The following SH3RF3 variants were observed in gnomAD, a reference collection of about 807,000 sequenced individuals.
SH3RF3 encodes E3 ubiquitin-protein ligase SH3RF3.
A neutral mutation model predicts 66.3 loss-of-function variants in SH3RF3; 29 were observed. The ratio of observed to expected loss-of-function variants is 0.44; its 90% CI spans 0.33 to 0.60. SH3RF3 has a LOEUF of 0.60. Ranked by LOEUF, SH3RF3 falls within the 20% of genes least tolerant of loss-of-function variation. SH3RF3 has a pLI of 0.04. For missense variants in SH3RF3, 1,194 were observed against 1,190.9 expected, an observed-to-expected ratio of 1.00 and a Z score of -0.04; for synonymous variants, 583 against 532.0, an observed-to-expected ratio of 1.10 and a Z score of -1.32.
intron 1 of SH3RF3, among the ~76,000 whole-genome samples, chr2:109,324,965 A>G (rs557286746): frequency 5.9e-5 from 9 of 152,308 alleles, no homozygotes; most frequent in African/African-American, 1.2e-4. Flanking sequence ...GACAAATACA[A>G]TCACACAGTT....
At chr2:109,199,203 C>A (rs566818098) in intron 1 of SH3RF3, among the ~76,000 whole-genome samples, 1 of 151,844 alleles carries the variant, frequency 6.6e-6, no homozygotes, top group African/African-American at 2.4e-5. Context: ...ACGAAAAATA[C>A]AAAAAATTAG....
chr2:109,322,675 A>T (rs1046602978), intron 1 of SH3RF3, among the ~76,000 whole-genome samples: 1 of 152,240 alleles, frequency 6.6e-6, no homozygotes, highest in East Asian at 1.9e-4. Context: ...AGGACTCATT[A>T]GCTGAGCACA....
intron 3 of SH3RF3, among the ~76,000 whole-genome samples, chr2:109,377,729 G>A (rs941190156): frequency 5.3e-5 from 8 of 152,192 alleles, no homozygotes; most frequent in Admixed American, 2.0e-4. Context: ...AATGATGATA[G>A]CGTGCCTCAT....
At chr2:109,150,602 G>A (rs533678408) in intron 1 of SH3RF3, among the ~76,000 whole-genome samples, 2 of 152,260 alleles carry the variant, frequency 1.3e-5, no homozygotes, top group Admixed American at 6.5e-5. Flanking sequence ...GCCCAGAGAA[G>A]TTGAGTAGCT....
chr2:109,342,509 T>G (rs1288022606), intron 1 of SH3RF3, among the ~76,000 whole-genome samples: 2 of 152,168 alleles, frequency 1.3e-5, no homozygotes, highest in African/African-American at 4.8e-5. Flanking sequence ...TGACAAGTGC[T>G]CTCCTTGAAA....
intron 1 of SH3RF3, among the ~76,000 whole-genome samples, chr2:109,133,666 C>T (rs1676748080): frequency 6.6e-6 from 1 of 151,584 alleles, no homozygotes; most frequent in Non-Finnish European, 1.5e-5. Context: ...CTGATTTGAC[C>T]ATTTTGTTAG....
At chr2:109,172,850 C>T (rs549818049) in intron 1 of SH3RF3, among the ~76,000 whole-genome samples, 32 of 152,358 alleles carry the variant, frequency 2.1e-4, no homozygotes, top group Non-Finnish European at 4.3e-4. Flanking sequence ...TGTAGAAGAG[C>T]ACTGCCTTAG....
intron 1 of SH3RF3, among the ~76,000 whole-genome samples, chr2:109,183,867 C>G (rs17035082): frequency 1.8e-4 from 28 of 152,174 alleles, no homozygotes; most frequent in Admixed American, 1.7e-3. Context: ...GCCATTCTCT[C>G]TAGGGCATTG....
At chr2:109,253,913 T>C (rs769748768) in intron 1 of SH3RF3, among the ~76,000 whole-genome samples, 5 of 152,134 alleles carry the variant, frequency 3.3e-5, no homozygotes, top group Non-Finnish European at 7.4e-5. Flanking sequence ...TCTAAAAGCA[T>C]GGAAGTCTTT....
intron 1 of SH3RF3, among the ~76,000 whole-genome samples, chr2:109,133,517 AAC>A (rs1214193962): frequency 6.6e-6 from 1 of 152,168 alleles, no homozygotes; most frequent in African/African-American, 2.4e-5. Flanking sequence ...TTTTTAGCTG[AAC>A]ACAGTCACCT....
At chr2:109,238,805 C>T (rs886421476) in intron 1 of SH3RF3, among the ~76,000 whole-genome samples, 5 of 152,096 alleles carry the variant, frequency 3.3e-5, no homozygotes, top group Admixed American at 6.5e-5. Flanking sequence ...TGATGAAACC[C>T]GGCGAGGTGT....
rs542811183 is a variant in SH3RF3, at chr2:109,315,592, T to C, written c.574-32082T>C. Among the ~76,000 whole-genome samples the C allele has an allele frequency of 7.0e-4, 107 of 152,368 alleles. 1 individual carries two copies. Among genetic ancestry groups the C allele is most frequent in the Non-Finnish European group, 1.2e-3 (85 of 68,038 alleles). On this transcript the variant is annotated intron_variant, in intron 1 of 9. Transcript: ENST00000309415. ...GTTGTGCACTGTCTGTGCAGAACTT[T>C]CAGAAACTGTCAGTGATGCACAAGG...
chr2:109,471,816 A>G (rs1020181051), intron 8 of SH3RF3, among the ~76,000 whole-genome samples: 1 of 152,166 alleles, frequency 6.6e-6, no homozygotes, highest in Admixed American at 6.5e-5. Context: ...GCCTTTTTGC[A>G]TGGGGCACGT....
At chr2:109,189,369 T>G (rs368125994) in intron 1 of SH3RF3, among the ~76,000 whole-genome samples, 14 of 138,622 alleles carry the variant, frequency 1.0e-4, no homozygotes, top group African/African-American at 3.0e-4. Flanking sequence ...TCGTTTGACT[T>G]TTTTTTTTTT....
At chr2:109,292,873 C>T (rs1336820165) in intron 1 of SH3RF3, among the ~76,000 whole-genome samples, 1 of 152,178 alleles carries the variant, frequency 6.6e-6, no homozygotes, top group Non-Finnish European at 1.5e-5. Flanking sequence ...GTTGGGATTA[C>T]AGGTGTGCAC....
Position 109,306,604 on chromosome 2 carries a change from C to T in SH3RF3, c.574-41070C>T, listed in dbSNP as rs949222757. On this transcript the variant is annotated intron_variant, in intron 1 of 9. Coordinates refer to ENST00000309415, the MANE Select transcript of SH3RF3 (RefSeq NM_001099289.3). ...CAGGCAGGAAGCTACATGCCATGGC[C>T]GCAACCCACTGTTATGCAAGTATCG... 5.3e-5 allele frequency among the ~76,000 whole-genome samples: 8 copies of T among 152,162 alleles called. No individual in the cohort carries two copies. In the East Asian group the frequency reaches 5.8e-4, roughly 11 times the overall value.
At chr2:109,429,886 C>T (rs11901009) in intron 5 of SH3RF3, among the ~76,000 whole-genome samples, 1 of 152,202 alleles carries the variant, frequency 6.6e-6, no homozygotes, top group East Asian at 1.9e-4. Context: ...TGCAGGGAGC[C>T]TGCAGTAGCC....
At chr2:109,325,485 C>T (rs1287693242) in intron 1 of SH3RF3, among the ~76,000 whole-genome samples, 1 of 151,882 alleles carries the variant, frequency 6.6e-6, no homozygotes, top group African/African-American at 2.4e-5. Flanking sequence ...GGACTACAGG[C>T]ATGTGCCACC....
chr2:109,351,292 G>C (rs1682832371), intron 2 of SH3RF3, among the ~76,000 whole-genome samples: 2 of 152,342 alleles, frequency 1.3e-5, no homozygotes, highest in South Asian at 2.1e-4. Context: ...CATGCCAGCT[G>C]TGTGACTTAG....
Sources: gnomAD v4.1 joint callset for allele counts (sites outside exome capture counted in the v4.1 genomes callset) on GRCh38, gnomAD v4.1.1 for gene constraint, MANE v1.5 for transcripts, NCBI Gene and HGNC (gene_info 2026-07-23, HGNC 2026-07-21) for gene names.